Variants in DNMBP observed in about 807,000 individuals in gnomAD.
DNMBP encodes dynamin-binding protein.
A neutral mutation model predicts 150.0 loss-of-function variants in DNMBP; 87 were observed. That is an observed-to-expected ratio of 0.58 (90% CI 0.49 to 0.69). The LOEUF (loss-of-function observed/expected upper bound fraction) is 0.69. DNMBP is among the 30% of genes least tolerant of loss of function. The probability of loss-of-function intolerance (pLI) is 0.00; values close to 1 mark genes in which losing one functional copy is unlikely to be tolerated. For synonymous variants in DNMBP, 711 were observed against 750.4 expected, an observed-to-expected ratio of 0.95 and a Z score of 0.86; for missense variants, 1,774 against 1,949.0, an observed-to-expected ratio of 0.91 and a Z score of 1.69.
At position 99,956,815 on chromosome 10, in the gene DNMBP, C is replaced by T. The variant is rs1181032049; in HGVS notation, c.659G>A (p.Cys220Tyr). The change falls in exon 4 of 17, where the codon TGC becomes TAC. Residue 220 changes from cysteine (C) to tyrosine (Y), a missense_variant. By Grantham distance (194) the Cys-to-Tyr change is radical. This residue lies in a region of DNMBP where 344 missense variants were observed against 456.6 expected (regional missense o/e 0.75). Coordinates refer to ENST00000324109, the MANE Select transcript of DNMBP (RefSeq NM_015221.4). ...GGTATCTACTTCACCATTAACAATG[C>T]AGTCATCTTGATTTCCAGAACTTAC... is the stretch of plus-strand genomic sequence containing the variant. ...ESVSSGNQDD[C>Y]IVNGEVDTPV... 1 of 1,614,060 alleles carries T rather than the reference C, an allele frequency of 6.2e-7. No individual in the cohort carries two copies. The highest frequency in any genetic ancestry group is 8.5e-7 in the Non-Finnish European group (1 of 1,180,030).
In DNMBP at chr10:99,884,211, T is replaced by G. The variant is rs749432511; in HGVS notation, c.3799-2A>C. The G allele has an allele frequency of 2.5e-6, 4 of 1,611,806 alleles. No homozygotes were observed. The highest frequency in any genetic ancestry group is 3.4e-6 in the Non-Finnish European group (4 of 1,179,092). ...TTCTGACTGTAGCATGTAACTTGGCTGAAAGGTAAGACGTTAACAAAAATC... is the reference window on the plus strand; with the variant it reads ...TTCTGACTGTAGCATGTAACTTGGCGGAAAGGTAAGACGTTAACAAAAATC... On this transcript the variant is annotated splice_acceptor_variant, in intron 14 of 16. Coordinates refer to ENST00000324109, the MANE Select transcript of DNMBP (RefSeq NM_015221.4). LOFTEE classifies it high-confidence loss of function.
intron 4 of DNMBP, among the ~76,000 whole-genome samples, chr10:99,931,967 C>T (rs1162476600): frequency 6.6e-6 from 1 of 152,178 alleles, no homozygotes; most frequent in Non-Finnish European, 1.5e-5. Flanking sequence ...AATGGGGAAT[C>T]ATCTGAAGGA....
intron 4 of DNMBP, among the ~76,000 whole-genome samples, chr10:99,924,452 A>T (rs1408591244): frequency 1.3e-5 from 2 of 152,218 alleles, no homozygotes; most frequent in Non-Finnish European, 2.9e-5. Flanking sequence ...CAAAAATAAC[A>T]AAAACAAAAA....
At chr10:99,997,767 C>T (rs1372288635) in intron 1 of DNMBP, among the ~76,000 whole-genome samples, 1 of 150,976 alleles carries the variant, frequency 6.6e-6, no homozygotes, top group African/African-American at 2.4e-5. Context: ...GGCAACATGG[C>T]AAAACCATCT....
chr10:99,981,003 C>A lies in DNMBP; in HGVS notation c.-10-8869G>T, dbSNP rs560568807. On this transcript the variant is annotated intron_variant, in intron 1 of 16. Transcript: ENST00000324109. ...TCAGTTTAGGAAGATAAAAAAAGTT[C>A]TGGAGATGAATGGTAGTAATGGTTG... Among the ~76,000 whole-genome samples, 3 of 151,932 alleles carry A rather than the reference C, an allele frequency of 2.0e-5. No homozygotes were observed. The South Asian group carries it at 6.2e-4, about 32-fold the overall frequency.
At chr10:99,963,405 C>T (rs568228176) in intron 3 of DNMBP, among the ~76,000 whole-genome samples, 44 of 151,852 alleles carry the variant, frequency 2.9e-4, no homozygotes, top group Non-Finnish European at 5.9e-4. Context: ...GTTACTGAAC[C>T]GTAAGTCTCT....
At chr10:99,928,361 T>G in intron 4 of DNMBP, 1 of 152,158 alleles carries the variant, frequency 6.6e-6, no homozygotes. Context: ...ACTTTCTACT[T>G]AAGGGGAGGG....
At chr10:99,927,574 C>T (rs1346884618) in intron 4 of DNMBP, among the ~76,000 whole-genome samples, 1 of 152,114 alleles carries the variant, frequency 6.6e-6, no homozygotes. Flanking sequence ...TGTAATTACA[C>T]AGTGTTCCCT....
chr10:99,890,399 C>T (rs2039538475), intron 11 of DNMBP, among the ~76,000 whole-genome samples: 2 of 152,178 alleles, frequency 1.3e-5, no homozygotes, highest in African/African-American at 4.8e-5. Context: ...CAATTTCTGT[C>T]AGCAGTCAGA....
intron 4 of DNMBP, among the ~76,000 whole-genome samples, chr10:99,946,929 CAAA>C (rs2040363919): frequency 6.6e-6 from 1 of 152,068 alleles, no homozygotes; most frequent in African/African-American, 2.4e-5. Flanking sequence ...TGACACTTCT[CAAA>C]AGAAGACATA....
At chr10:99,884,313 A>C in intron 14 of DNMBP, 104 bp from the exon 15 acceptor site, 1 of 989,184 alleles carries the variant, frequency 1.0e-6, no homozygotes, top group South Asian at 1.6e-5. Flanking sequence ...AGGGACAGTC[A>C]GTCACTGCCC....
In DNMBP at chr10:99,955,105, A is replaced by AT. The variant is rs1421444487; in HGVS notation, c.2260+108dup. The AT allele has an allele frequency of 3.3e-6, 3 of 911,658 alleles. No individual in the cohort carries two copies. The African/African-American group carries it at 5.0e-5, about 15-fold the overall frequency. 56.5% of individuals were successfully genotyped at this position (911,658 alleles called of 1,614,324 possible). A position where few individuals can be genotyped will look rare whatever the true frequency, so the allele number is the denominator to read the frequency against. ...AAATTAGGTAATGAAAATGTAAATC[A>AT]TTTTTTGTCCATCGAGGATGGTAAC... On this transcript the variant is annotated intron_variant, in intron 4 of 16. Coordinates refer to ENST00000324109, the MANE Select transcript of DNMBP (RefSeq NM_015221.4).
chr10:99,975,432 G>A (rs911100742), intron 1 of DNMBP, among the ~76,000 whole-genome samples: 1 of 151,890 alleles, frequency 6.6e-6, no homozygotes, highest in Non-Finnish European at 1.5e-5. Flanking sequence ...AAATCATTTA[G>A]TATATTAATA....
chr10:99,971,953 G>A (rs2098369704), intron 2 of DNMBP, 27 bp downstream of exon 2: 1 of 1,602,396 alleles, frequency 6.2e-7, no homozygotes, highest in African/African-American at 1.4e-5. Context: ...GTCAGGGCCT[G>A]TGGTCCACTA....
chr10:99,915,214 TAC>T lies in DNMBP; in HGVS notation c.2261-6070_2261-6069del, dbSNP rs10654941. Among the ~76,000 whole-genome samples, 146 of 142,484 alleles carry T rather than the reference TAC, an allele frequency of 1.0e-3. 2 individuals are homozygous for T. The highest frequency in any genetic ancestry group is 1.5e-3 in the South Asian group (7 of 4,538). The allele number at this position is 142,484 out of a possible 152,430, so 93.5% of individuals were successfully genotyped here. On this transcript the variant is annotated intron_variant, in intron 4 of 16. Coordinates refer to ENST00000324109, the MANE Select transcript of DNMBP (RefSeq NM_015221.4). ...ATATACACACATATACATATATACATACACACACACACACACACACGCATATA... is the reference window on the plus strand; with the variant it reads ...ATATACACACATATACATATATACATACACACACACACACACACGCATATA...
chr10:99,970,760 CAGG>C (rs1367316461), intron 2 of DNMBP, among the ~76,000 whole-genome samples: 1 of 151,688 alleles, frequency 6.6e-6, no homozygotes, highest in Non-Finnish European at 1.5e-5. Context: ...ATCATGACGT[CAGG>C]AGATTGAGAC....
chr10:99,932,445 G>A (rs547806074), intron 4 of DNMBP, among the ~76,000 whole-genome samples: 7 of 152,280 alleles, frequency 4.6e-5, no homozygotes, highest in East Asian at 1.9e-4. Flanking sequence ...CACATGTGTT[G>A]TAAATTTGTG....
intron 13 of DNMBP, 87 bp from the exon 14 acceptor site, chr10:99,885,953 T>G: frequency 2.3e-5 from 29 of 1,242,950 alleles, no homozygotes; most frequent in Non-Finnish European, 3.1e-5. Flanking sequence ...TGATGAAAGA[T>G]CCCGGATTGA....
intron 11 of DNMBP, among the ~76,000 whole-genome samples, chr10:99,894,327 A>G (rs2039620184): frequency 6.6e-6 from 1 of 152,222 alleles, no homozygotes; most frequent in Admixed American, 6.5e-5. Flanking sequence ...TATTAAATCA[A>G]TAGAGAAATT....
Sources: gnomAD v4.1 joint callset for allele counts (sites outside exome capture counted in the v4.1 genomes callset) on GRCh38, gnomAD v4.1.1 for gene constraint, gnomAD v4.1.1 regional missense constraint, MANE v1.5 for transcripts, NCBI Gene and HGNC (gene_info 2026-07-23, HGNC 2026-07-21) for gene names.